Variants in PARD3 observed in about 807,000 individuals in gnomAD.
PARD3 encodes partitioning defective 3 homolog.
In PARD3, 75 loss-of-function variants were observed where a neutral mutation model predicts 155.4. That is an observed-to-expected ratio of 0.48 (90% CI 0.40 to 0.58). The LOEUF is 0.58. PARD3 is among the 20% of genes least tolerant of loss of function. PARD3 has a pLI of 0.00. For synonymous variants in PARD3, 576 were observed against 610.5 expected, an observed-to-expected ratio of 0.94 and a Z score of 0.83; for missense variants, 1,642 against 1,721.7, an observed-to-expected ratio of 0.95 and a Z score of 0.82.
intron 19 of PARD3, among the ~76,000 whole-genome samples, chr10:34,323,436 C>G (rs563417352): frequency 1.2e-4 from 18 of 152,060 alleles, no homozygotes; most frequent in Non-Finnish European, 2.2e-4. Flanking sequence ...ATGATGAAGA[C>G]TGTGAGGAGG....
intron 7 of PARD3, among the ~76,000 whole-genome samples, chr10:34,392,649 G>A (rs1197097696): frequency 6.6e-6 from 1 of 152,030 alleles, no homozygotes; most frequent in Admixed American, 6.6e-5. Context: ...TGTTCTGTGA[G>A]TACATACTAC....
rs538942166 is a variant in PARD3, at chr10:34,516,111, A to T, written c.403+868T>A. On this transcript the variant is annotated intron_variant, in intron 3 of 24. Transcript: ENST00000374788. ...TCCCAAGTAGCTGGGATTACAGGCAACCGCCACCACGCCTGGCTAATTTTT... is the reference window on the plus strand; with the variant it reads ...TCCCAAGTAGCTGGGATTACAGGCATCCGCCACCACGCCTGGCTAATTTTT... Among the ~76,000 whole-genome samples the T allele has an allele frequency of 3.7e-3, 556 of 151,994 alleles. 2 individuals are homozygous for T. The highest frequency in any genetic ancestry group is 0.012 in the African/African-American group (489 of 41,476).
chr10:34,526,933 G>GT (rs1462760755), intron 2 of PARD3, among the ~76,000 whole-genome samples: 1 of 152,072 alleles, frequency 6.6e-6, no homozygotes, highest in Non-Finnish European at 1.5e-5. Context: ...TCATTCCATT[G>GT]TTGAACTTGT....
intron 22 of PARD3, among the ~76,000 whole-genome samples, chr10:34,248,020 C>CTAG (rs1175435020): frequency 6.6e-6 from 1 of 152,182 alleles, no homozygotes; most frequent in Non-Finnish European, 1.5e-5. Flanking sequence ...TAGGTACATT[C>CTAG]CTTTCTAGAT....
At chr10:34,145,183 GTGTGTGTA>G (rs1451216439) in intron 22 of PARD3, among the ~76,000 whole-genome samples, 7 of 80,246 alleles carry the variant, frequency 8.7e-5, no homozygotes, top group African/African-American at 3.4e-4. Context: ...CATTGTGTGT[GTGTGTGTA>G]TATATATATA....
chr10:34,590,360 C>G (rs909779012), intron 2 of PARD3, among the ~76,000 whole-genome samples: 1 of 152,166 alleles, frequency 6.6e-6, no homozygotes, highest in Non-Finnish European at 1.5e-5. Context: ...GGAATTGTTG[C>G]CTGAATGCCT....
intron 5 of PARD3, among the ~76,000 whole-genome samples, chr10:34,421,907 T>TA (rs1439921344): frequency 6.6e-6 from 1 of 152,126 alleles, no homozygotes; most frequent in African/African-American, 2.4e-5. Context: ...GGCAGCAAGA[T>TA]AAAGTTGTAA....
intron 1 of PARD3, among the ~76,000 whole-genome samples, chr10:34,725,725 C>A (rs1277661556): frequency 6.6e-6 from 1 of 152,156 alleles, no homozygotes; most frequent in African/African-American, 2.4e-5. Context: ...AACACTCCAA[C>A]CAAGAACAAG....
At chr10:34,779,199 G>A (rs529415138) in intron 1 of PARD3, among the ~76,000 whole-genome samples, 7 of 152,264 alleles carry the variant, frequency 4.6e-5, no homozygotes, top group East Asian at 1.9e-4. Context: ...CCAGGTACTC[G>A]GGAGGCTGAG....
At chr10:34,421,474 G>A (rs1007708545) in intron 5 of PARD3, among the ~76,000 whole-genome samples, 1 of 151,548 alleles carries the variant, frequency 6.6e-6, no homozygotes, top group Non-Finnish European at 1.5e-5. Context: ...CTAAAAATGA[G>A]CATCCATGTT....
At chr10:34,250,693 G>A (rs61840224) in intron 22 of PARD3, among the ~76,000 whole-genome samples, 23,334 of 151,276 alleles carry the variant, frequency 0.15, 2,440 homozygotes, top group African/African-American at 0.3. Context: ...CACTCAAGAT[G>A]TTTCCTGTTT....
intron 1 of PARD3, among the ~76,000 whole-genome samples, chr10:34,763,718 G>C (rs12413778): frequency 0.25 from 38,391 of 151,904 alleles, 5,339 homozygotes; most frequent in East Asian, 0.54. Flanking sequence ...ACGGCCACCT[G>C]GGTACTCAGG....
chr10:34,806,823 C>A (rs1843455984), intron 1 of PARD3, among the ~76,000 whole-genome samples: 1 of 152,138 alleles, frequency 6.6e-6, no homozygotes, highest in South Asian at 2.1e-4. Flanking sequence ...CCCATGAGCA[C>A]CAAAACAAAC....
intron 2 of PARD3, among the ~76,000 whole-genome samples, chr10:34,564,983 C>G (rs1177510798): frequency 6.6e-6 from 1 of 152,150 alleles, no homozygotes; most frequent in African/African-American, 2.4e-5. Flanking sequence ...AGCCAAGAAA[C>G]TTGCCCAAGT....
At chr10:34,227,851 ATTT>A (rs995113507) in intron 22 of PARD3, among the ~76,000 whole-genome samples, 1 of 32,798 alleles carries the variant, frequency 3.0e-5, no homozygotes, top group African/African-American at 1.1e-4. Flanking sequence ...AATGGGAATT[ATTT>A]TTTATATATA....
At chr10:34,689,934 G>GTTAT (rs199639601) in intron 2 of PARD3, among the ~76,000 whole-genome samples, 1,787 of 89,130 alleles carry the variant, frequency 0.02, 27 homozygotes, top group African/African-American at 0.1. Flanking sequence ...ATTTTTACAT[G>GTTAT]TTATTTATTT....
intron 15 of PARD3, chr10:34,344,946 C>T (rs2384213): frequency 0.51 from 505,388 of 984,718 alleles, 133,800 homozygotes; most frequent in African/African-American, 0.87. Context: ...GGTAAGTTGG[C>T]TGGAGTATGT....
chr10:34,682,771 C>T (rs2093868806), intron 2 of PARD3, among the ~76,000 whole-genome samples: 2 of 152,048 alleles, frequency 1.3e-5, no homozygotes. Context: ...ATCTGCAGTC[C>T]AAGCTACTCA....
intron 2 of PARD3, among the ~76,000 whole-genome samples, chr10:34,526,895 C>A (rs2082524963): frequency 6.6e-6 from 1 of 152,206 alleles, no homozygotes; most frequent in African/African-American, 2.4e-5. Flanking sequence ...CCGAGACATT[C>A]CCTCGTTGGG....
Sources: allele counts gnomAD v4.1 joint callset (sites outside exome capture counted in the v4.1 genomes callset), GRCh38; gene constraint gnomAD v4.1.1; transcripts MANE v1.5; gene names NCBI Gene and HGNC (gene_info 2026-07-23, HGNC 2026-07-21).